Variants in SETBP1 observed in about 807,000 individuals in gnomAD.
SETBP1 encodes the protein SET-binding protein.
Under a neutral mutation model 101.0 loss-of-function variants are expected in SETBP1, and 9 were observed. The observed-to-expected ratio is 0.09, with a 90% CI of 0.05 to 0.16. The LOEUF (loss-of-function observed/expected upper bound fraction) is 0.16, where lower values mean the gene tolerates loss of function less well. Ranked by LOEUF, SETBP1 falls within the 10% of genes least tolerant of loss-of-function variation. The pLI is 1.00. For missense variants in SETBP1, 1,858 were observed against 2,033.8 expected, an observed-to-expected ratio of 0.91 and a Z score of 1.66; for synonymous variants, 818 against 788.5, an observed-to-expected ratio of 1.04 and a Z score of -0.63.
intron 1 of SETBP1, among the ~76,000 whole-genome samples, chr18:44,691,348 T>C (rs1019889768): frequency 2.0e-5 from 3 of 152,054 alleles, no homozygotes; most frequent in African/African-American, 4.8e-5. Context: ...GTGGTAATGT[T>C]TAACCACCCC....
At chr18:44,852,868 G>A (rs2072901547) in intron 2 of SETBP1, among the ~76,000 whole-genome samples, 1 of 152,134 alleles carries the variant, frequency 6.6e-6, no homozygotes, top group Non-Finnish European at 1.5e-5. Flanking sequence ...AGCAGTGATT[G>A]CCATGTGTGT....
chr18:45,048,817 A>G (rs2145541927), intron 5 of SETBP1, among the ~76,000 whole-genome samples: 1 of 150,366 alleles, frequency 6.7e-6, no homozygotes. Flanking sequence ...CTAAAAATAC[A>G]AAAAATTAGC....
At chr18:44,829,252 C>CT (rs1216780705) in intron 2 of SETBP1, among the ~76,000 whole-genome samples, 2 of 152,162 alleles carry the variant, frequency 1.3e-5, no homozygotes, top group Non-Finnish European at 2.9e-5. Flanking sequence ...GGTGTACCTT[C>CT]TTGTTTCTCA....
chr18:44,933,225 C>A (rs6507589), intron 3 of SETBP1, among the ~76,000 whole-genome samples: 2 of 152,150 alleles, frequency 1.3e-5, no homozygotes, highest in African/African-American at 4.8e-5. Context: ...CCCTCCAGAC[C>A]CTGTTTGCCT....
At chr18:44,986,909 G>A (rs1474116677) in intron 4 of SETBP1, 1 of 77,484 alleles carries the variant, frequency 1.3e-5, no homozygotes, top group African/African-American at 5.4e-5. Context: ...GTATAGTATA[G>A]TATAGTATAG....
intron 2 of SETBP1, among the ~76,000 whole-genome samples, chr18:44,767,567 T>A (rs1170563525): frequency 6.6e-6 from 1 of 152,206 alleles, no homozygotes; most frequent in East Asian, 1.9e-4. Flanking sequence ...TTATATGAAA[T>A]ACTTGTAAAA....
chr18:44,960,813 GC>G lies in SETBP1; in HGVS notation c.4000+7476del, dbSNP rs1567994234. ...TTACTTGTTTAGGTTGTACCCACCT[GC>G]CCTTCCTCCTCCACCCTCCACCCCC... On this transcript the variant is annotated intron_variant, in intron 4 of 5. Transcript: ENST00000649279. Among the ~76,000 whole-genome samples the G allele has an allele frequency of 2.0e-5, 3 of 152,072 alleles. No individual in the cohort carries two copies. The South Asian group carries it at 6.2e-4, about 32-fold the overall frequency.
intron 3 of SETBP1, among the ~76,000 whole-genome samples, chr18:44,881,557 C>T (rs2069529912): frequency 6.6e-6 from 1 of 152,186 alleles, no homozygotes. Flanking sequence ...AATTACTTTG[C>T]CAATTGCAGA....
intron 3 of SETBP1, among the ~76,000 whole-genome samples, chr18:44,880,990 T>G (rs550236843): frequency 2.0e-5 from 3 of 152,330 alleles, no homozygotes; most frequent in Admixed American, 2.0e-4. Flanking sequence ...GGACCTATTC[T>G]AGGGCTGCTT....
intron 2 of SETBP1, among the ~76,000 whole-genome samples, chr18:44,726,356 T>C (rs889985444): frequency 1.3e-5 from 2 of 152,210 alleles, no homozygotes; most frequent in Non-Finnish European, 2.9e-5. Flanking sequence ...CAAATAATAA[T>C]ACTTATCTCT....
chr18:44,996,116 G>A (rs566524895), intron 4 of SETBP1, among the ~76,000 whole-genome samples: 1 of 152,302 alleles, frequency 6.6e-6, no homozygotes, highest in East Asian at 1.9e-4. Flanking sequence ...AGTAGCTACT[G>A]TTCTTGTTTC....
rs529611461 is a variant in SETBP1 at position 45,038,494 on chromosome 18, G to C, written c.4010G>C (p.Ser1337Thr). The change falls in exon 5 of 6, where the codon AGT (serine) becomes ACT (threonine). Residue 1337 changes from serine (S) to threonine (T), a missense_variant. By Grantham distance (58) the Ser-to-Thr change is moderately conservative. Transcript: ENST00000649279. ...YDSSMSPGMP[S>T]PHLKVDQTAV... ...GGTTGTTATTTTTTAGGGATGCCAA[G>C]TCCCCACTTAAAAGTGGACCAGACA... is the stretch of plus-strand genomic sequence containing the variant. 2.5e-5 allele frequency: 41 copies of C among 1,614,066 alleles called. 1 individual carries two copies. In the East Asian group the frequency reaches 6.9e-4, roughly 27 times the overall value.
chr18:44,953,557 A>T (rs1400624366), intron 4 of SETBP1, among the ~76,000 whole-genome samples: 1 of 152,138 alleles, frequency 6.6e-6, no homozygotes, highest in African/African-American at 2.4e-5. Context: ...ATTGTTTGAG[A>T]AACTGTGAAG....
intron 2 of SETBP1, among the ~76,000 whole-genome samples, chr18:44,804,795 C>T (rs901775472): frequency 6.6e-5 from 10 of 152,000 alleles, no homozygotes; most frequent in Non-Finnish European, 1.2e-4. Flanking sequence ...ATGAGCTCAA[C>T]GTGGGATGGT....
intron 4 of SETBP1, among the ~76,000 whole-genome samples, chr18:45,009,686 C>T (rs1028963474): frequency 1.3e-5 from 2 of 152,012 alleles, no homozygotes; most frequent in Admixed American, 1.3e-4. Flanking sequence ...ATTTGGGCCT[C>T]TCTATGAAAT....
At chr18:44,731,044 T>G (rs2069828193) in intron 2 of SETBP1, among the ~76,000 whole-genome samples, 2 of 152,178 alleles carry the variant, frequency 1.3e-5, no homozygotes, top group African/African-American at 4.8e-5. Flanking sequence ...ATGTCTTGTC[T>G]GCTGTATGAC....
rs1021389996 is a variant in SETBP1 at position 44,952,393 on chromosome 18, A to G, written c.3053A>G (p.Lys1018Arg). The stretch of plus-strand genomic sequence containing the variant: ...ACTTCAGACTTGAAGTCAAAGAAGA[A>G]GCGTGGTAGGCCTGCAAAAACCAAT... ...RRTSDLKSKK[K>R]RGRPAKTNDT... The change falls in exon 4 of 6, where the codon AAG becomes AGG. Residue 1018 changes from lysine (K) to arginine (R), a missense_variant. By Grantham distance (26) the Lys-to-Arg change is conservative. This residue lies in a region of SETBP1 where 255 missense variants were observed against 300.1 expected (regional missense o/e 0.85). Transcript: ENST00000649279. 2 of 1,614,168 alleles carry G rather than the reference A, an allele frequency of 1.2e-6. No individual in the cohort carries two copies. Among genetic ancestry groups the G allele is most frequent in the Admixed American group, 1.7e-5 (1 of 60,024 alleles).
chr18:44,829,609 T>C (rs749791908), intron 2 of SETBP1, among the ~76,000 whole-genome samples: 128 of 152,334 alleles, frequency 8.4e-4, no homozygotes, highest in African/African-American at 9.4e-4. Context: ...ACCTACTGTG[T>C]GTCTGCTATT....
intron 2 of SETBP1, among the ~76,000 whole-genome samples, chr18:44,790,276 A>G (rs1440119381): frequency 2.0e-5 from 3 of 152,218 alleles, no homozygotes; most frequent in Non-Finnish European, 4.4e-5. Flanking sequence ...GTTCGTCAAG[A>G]AGTACTATTC....
Sources: gnomAD v4.1 joint callset for allele counts (sites outside exome capture counted in the v4.1 genomes callset) on GRCh38, gnomAD v4.1.1 for gene constraint, gnomAD v4.1.1 regional missense constraint, MANE v1.5 for transcripts, NCBI Gene and HGNC (gene_info 2026-07-23, HGNC 2026-07-21) for gene names.